The following ATP8A2 variants were observed in gnomAD, a reference collection of about 807,000 sequenced individuals.
The protein encoded by ATP8A2 is ATPase phospholipid transporting 8A2, also known as phospholipid-transporting ATPase IB.
In ATP8A2, 100 loss-of-function variants were observed where a neutral mutation model predicts 165.6. The observed-to-expected ratio is 0.60, with a 90% CI of 0.51 to 0.71. ATP8A2 has a LOEUF of 0.71. Among genes scored for constraint, ATP8A2 ranks in the 30% least tolerant of loss-of-function variants. The pLI is 0.00. For synonymous variants in ATP8A2, 543 were observed against 548.8 expected, an observed-to-expected ratio of 0.99 and a Z score of 0.15; for missense variants, 1,227 against 1,479.5, an observed-to-expected ratio of 0.83 and a Z score of 2.80.
intron 34 of ATP8A2, among the ~76,000 whole-genome samples, chr13:25,963,223 G>A (rs1222058218): frequency 2.0e-5 from 3 of 151,570 alleles, no homozygotes; most frequent in South Asian, 2.1e-4. Context: ...GAGAAACTCC[G>A]TCTCTACTAT....
rs577320894 is a variant in ATP8A2 at position 25,778,684 on chromosome 13, T to C, written c.2679+3725T>C. Reference sequence around the variant, plus strand: ...GCAATGAAAGAGTGATGAATGCTGCTGCTTCCTGCAGCCCCTTCCCAGGCT... The same window carrying C: ...GCAATGAAAGAGTGATGAATGCTGCCGCTTCCTGCAGCCCCTTCCCAGGCT... On this transcript the variant is annotated intron_variant, in intron 27 of 36. Coordinates refer to ENST00000381655, the MANE Select transcript of ATP8A2 (RefSeq NM_016529.6). Among the ~76,000 whole-genome samples the C allele has an allele frequency of 3.3e-5, 5 of 152,324 alleles. No homozygotes were observed. In the East Asian group the frequency reaches 9.6e-4, roughly 29 times the overall value.
intron 24 of ATP8A2, among the ~76,000 whole-genome samples, chr13:25,590,895 C>T (rs1193814182): frequency 6.6e-6 from 1 of 152,028 alleles, no homozygotes; most frequent in Non-Finnish European, 1.5e-5. Context: ...GTTTCCAAGG[C>T]ACCACTGGCA....
intron 2 of ATP8A2, among the ~76,000 whole-genome samples, chr13:25,487,166 A>T (rs142412954): frequency 6.0e-4 from 92 of 152,328 alleles, no homozygotes; most frequent in African/African-American, 2.1e-3. Context: ...GAGTCTTTGC[A>T]GAATGATGTC....
intron 23 of ATP8A2, among the ~76,000 whole-genome samples, chr13:25,586,385 G>C (rs1333643978): frequency 2.0e-5 from 3 of 152,142 alleles, no homozygotes; most frequent in African/African-American, 7.2e-5. Context: ...AGGTGAGGTT[G>C]AGGGAGCATG....
At chr13:25,591,055 T>A (rs560569793) in intron 24 of ATP8A2, among the ~76,000 whole-genome samples, 1 of 152,198 alleles carries the variant, frequency 6.6e-6, no homozygotes, top group Admixed American at 6.5e-5. Context: ...AAATCTCTCC[T>A]CTACCCAAGT....
At chr13:25,737,518 G>A (rs1301292480) in intron 25 of ATP8A2, among the ~76,000 whole-genome samples, 1 of 152,100 alleles carries the variant, frequency 6.6e-6, no homozygotes, top group Non-Finnish European at 1.5e-5. Context: ...CTGTGTGTGT[G>A]AGACAGGGTC....
chr13:25,663,362 T>C (rs979103488), intron 24 of ATP8A2, among the ~76,000 whole-genome samples: 4 of 152,214 alleles, frequency 2.6e-5, no homozygotes, highest in Admixed American at 6.5e-5. Flanking sequence ...GAACTTTTTC[T>C]TCGATTGCTG....
chr13:25,594,242 C>T (rs985367173), intron 24 of ATP8A2, among the ~76,000 whole-genome samples: 2 of 152,048 alleles, frequency 1.3e-5, no homozygotes, highest in Admixed American at 1.3e-4. Context: ...ACTGCAAATT[C>T]GTGAATGATA....
At chr13:25,738,347 CCCCCA>C (rs67967146) in intron 25 of ATP8A2, among the ~76,000 whole-genome samples, 21,349 of 144,166 alleles carry the variant, frequency 0.15, 1,753 homozygotes, top group Middle Eastern at 0.32. Context: ...CCCTCCCCCC[CCCCCA>C]CACACACTTC....
intron 24 of ATP8A2, among the ~76,000 whole-genome samples, chr13:25,646,238 G>T (rs1455894630): frequency 6.6e-6 from 1 of 151,962 alleles, no homozygotes; most frequent in African/African-American, 2.4e-5. Context: ...AGCTACCTCT[G>T]CTCTTCTTTG....
chr13:25,401,466 G>A (rs970371328), intron 1 of ATP8A2, among the ~76,000 whole-genome samples: 16 of 152,190 alleles, frequency 1.1e-4, no homozygotes, highest in Non-Finnish European at 1.8e-4. Flanking sequence ...GCTGTGGTAA[G>A]AAGGCTCTTG....
Position 25,769,041 on chromosome 13 carries a change from C to CT in ATP8A2, c.2385-5_2385-4insT, listed in dbSNP as rs2044558095. On this transcript the variant is annotated splice_region_variant and splice_polypyrimidine_tract_variant and intron_variant, in intron 25 of 36. Transcript: ENST00000381655. ...TAGCTCTGATTTCCCTCTCTTTTCT[C>CT]ACAGAGTGTCTCCTCTGCAGAAGTC... 1 of 1,613,776 alleles carries CT rather than the reference C, an allele frequency of 6.2e-7. No homozygotes were observed. The highest frequency in any genetic ancestry group is 8.5e-7 in the Non-Finnish European group (1 of 1,179,666).
intron 33 of ATP8A2, among the ~76,000 whole-genome samples, chr13:25,916,557 A>G (rs1231075425): frequency 6.6e-6 from 1 of 152,214 alleles, no homozygotes; most frequent in Non-Finnish European, 1.5e-5. Context: ...CTGATCAGAC[A>G]TAAAGTTATC....
intron 15 of ATP8A2, among the ~76,000 whole-genome samples, chr13:25,560,525 C>A (rs928571828): frequency 5.9e-5 from 9 of 151,688 alleles, no homozygotes; most frequent in East Asian, 3.9e-4. Flanking sequence ...CATGGTGAAA[C>A]CCTGTCTCTA....
chr13:25,853,396 A>ATATAT (rs59573616), intron 30 of ATP8A2, among the ~76,000 whole-genome samples: 39,731 of 106,800 alleles, frequency 0.37, 6,685 homozygotes, highest in East Asian at 0.44. Context: ...ATCTAAAAAA[A>ATATAT]ATATATATAT....
Position 25,745,621 on chromosome 13 carries a change from G to A in ATP8A2, c.2385-23425G>A, listed in dbSNP as rs542628736. On this transcript the variant is annotated intron_variant, in intron 25 of 36. Coordinates refer to ENST00000381655, the MANE Select transcript of ATP8A2 (RefSeq NM_016529.6). The stretch of plus-strand genomic sequence containing the variant: ...AACTTGGAATTTTCCTGATGCCTGG[G>A]GATGGGCTGGAGTGTTTACAAGTGG... Among the ~76,000 whole-genome samples the A allele has an allele frequency of 3.3e-5, 5 of 152,196 alleles. No individual in the cohort carries two copies. In the South Asian group the frequency reaches 8.3e-4, roughly 25 times the overall value.
intron 33 of ATP8A2, among the ~76,000 whole-genome samples, chr13:25,903,468 C>T (rs1953829340): frequency 6.6e-6 from 1 of 152,302 alleles, no homozygotes; most frequent in Non-Finnish European, 1.5e-5. Flanking sequence ...TTGGAATGAT[C>T]CTTTCAGAAC....
rs765308997 is a variant in ATP8A2 at position 25,961,601 on chromosome 13, C to T, written c.3210C>T (p.His1070=). 1 of 1,614,088 alleles carries T rather than the reference C, an allele frequency of 6.2e-7. No individual in the cohort carries two copies. Among genetic ancestry groups the T allele is most frequent in the Admixed American group, 1.7e-5 (1 of 60,034 alleles). The change falls in exon 34 of 37, where the codon CAC becomes CAT. Residue 1070 remains histidine, a synonymous_variant. Coordinates refer to ENST00000381655, the MANE Select transcript of ATP8A2 (RefSeq NM_016529.6). The part of the protein sequence containing the change: ...GQATMVLSSA[H]FWLGLFLVPT... ...CAACTATGGTCCTGAGCTCCGCACACTTCTGGTTGGGATTATTTCTGGTTC... is the reference window on the plus strand; with the variant it reads ...CAACTATGGTCCTGAGCTCCGCACATTTCTGGTTGGGATTATTTCTGGTTC...
intron 33 of ATP8A2, among the ~76,000 whole-genome samples, chr13:25,862,737 C>T (rs1008118095): frequency 9.2e-5 from 14 of 152,116 alleles, no homozygotes; most frequent in African/African-American, 3.4e-4. Flanking sequence ...AAAACTGGAG[C>T]TATTTTGAAT....
Sources: allele counts gnomAD v4.1 joint callset (sites outside exome capture counted in the v4.1 genomes callset), GRCh38; gene constraint gnomAD v4.1.1; transcripts MANE v1.5; gene names NCBI Gene and HGNC (gene_info 2026-07-23, HGNC 2026-07-21).